Variants in ARHGAP26 observed in about 807,000 individuals in gnomAD.
ARHGAP26 encodes the protein rho GTPase-activating protein 26.
A neutral mutation model predicts 104.8 loss-of-function variants in ARHGAP26; 38 were observed. That is an observed-to-expected ratio of 0.36 (90% CI 0.28 to 0.48). The LOEUF is 0.48. Ranked by LOEUF, ARHGAP26 falls within the 20% of genes least tolerant of loss-of-function variation. The pLI is 0.99. For synonymous variants in ARHGAP26, 341 were observed against 340.0 expected (o/e 1.00, Z -0.03); for missense variants, 704 against 947.9 (o/e 0.74, Z 3.38).
chr5:142,785,870 T>G (rs966302186), intron 1 of ARHGAP26, among the ~76,000 whole-genome samples: 1 of 152,126 alleles, frequency 6.6e-6, no homozygotes, highest in Non-Finnish European at 1.5e-5. Context: ...TCTTTTTCTT[T>G]CCCTTCACCT....
At chr5:142,835,235 T>G (rs1348880412) in intron 1 of ARHGAP26, among the ~76,000 whole-genome samples, 1 of 152,232 alleles carries the variant, frequency 6.6e-6, no homozygotes, top group Non-Finnish European at 1.5e-5. Flanking sequence ...TTTAACAACA[T>G]GAAAACATTT....
intron 12 of ARHGAP26, among the ~76,000 whole-genome samples, chr5:143,022,077 G>A (rs145161350): frequency 2.3e-4 from 24 of 102,688 alleles, no homozygotes; most frequent in African/African-American, 8.7e-4. Flanking sequence ...ATTTTATTTT[G>A]TTTTATTTCA....
intron 20 of ARHGAP26, among the ~76,000 whole-genome samples, chr5:143,152,444 GT>G (rs1799958072): frequency 6.6e-6 from 1 of 152,224 alleles, no homozygotes; most frequent in Admixed American, 6.5e-5. Flanking sequence ...CTTTTGAAGT[GT>G]CAGAAGAGTT....
At chr5:143,144,820 C>G (rs1599219840) in intron 19 of ARHGAP26, among the ~76,000 whole-genome samples, 1 of 152,238 alleles carries the variant, frequency 6.6e-6, no homozygotes, top group South Asian at 2.1e-4. Context: ...TCTACTCTTT[C>G]CCTGGAATAA....
At chr5:142,786,120 G>A (rs1758564706) in intron 1 of ARHGAP26, among the ~76,000 whole-genome samples, 1 of 150,968 alleles carries the variant, frequency 6.6e-6, no homozygotes, top group Admixed American at 6.6e-5. Context: ...ACTGGCTTTT[G>A]CCACTATGCC....
chr5:142,955,343 G>T (rs943032540), intron 11 of ARHGAP26, among the ~76,000 whole-genome samples: 1 of 152,074 alleles, frequency 6.6e-6, no homozygotes, highest in Non-Finnish European at 1.5e-5. Context: ...ACAAAACAAA[G>T]AAGATGCATT....
Position 142,873,406 on chromosome 5 carries a change from C to G in ARHGAP26, c.161C>G (p.Ser54Cys). The G allele has an allele frequency of 6.3e-7, 1 of 1,591,484 alleles. No homozygotes were observed. Among genetic ancestry groups the G allele is most frequent in the South Asian group, 1.2e-5 (1 of 85,944 alleles). Reference sequence around the variant, plus strand: ...CCTGTCTTTTTCTTGCTAGATTTGTCTTCAGCGAAGCGGAAGTTTGCAGAT... The same window carrying G: ...CCTGTCTTTTTCTTGCTAGATTTGTGTTCAGCGAAGCGGAAGTTTGCAGAT... ...KSLISALKNL[S>C]SAKRKFADSL... The change falls in exon 2 of 23, where the codon TCT becomes TGT. Residue 54 changes from serine (S) to cysteine (C), a missense_variant. This residue lies in a region of ARHGAP26 where 77 missense variants were observed against 82.6 expected (regional missense o/e 0.93). Coordinates refer to ENST00000645722, the MANE Select transcript of ARHGAP26 (RefSeq NM_001135608.3).
At chr5:143,047,476 A>G (rs1784390129) in intron 14 of ARHGAP26, among the ~76,000 whole-genome samples, 1 of 152,132 alleles carries the variant, frequency 6.6e-6, no homozygotes, top group Non-Finnish European at 1.5e-5. Context: ...ATCTCTAATT[A>G]TTTCCTCAGG....
In ARHGAP26 at chr5:143,041,817, G is replaced by T. The variant is rs577183455; in HGVS notation, c.1212G>T (p.Gly404=). 1.2e-6 allele frequency: 2 copies of T among 1,607,296 alleles called. No individual in the cohort carries two copies. Among genetic ancestry groups the T allele is most frequent in the Non-Finnish European group, 1.7e-6 (2 of 1,176,508 alleles). The change falls in exon 14 of 23, where the codon GGG becomes GGT. Residue 404 remains glycine (G), a splice_region_variant and synonymous_variant. Coordinates refer to ENST00000645722, the MANE Select transcript of ARHGAP26 (RefSeq NM_001135608.3). ...AATCATCACTGTTTCTTTCCTCAGGGATCAACGAGCAAGGGCTGTATCGAA... is the reference window on the plus strand; with the variant it reads ...AATCATCACTGTTTCTTTCCTCAGGTATCAACGAGCAAGGGCTGTATCGAA... The part of the protein sequence containing the change: ...RKCIHAVETR[G]INEQGLYRIV...
intron 11 of ARHGAP26, among the ~76,000 whole-genome samples, chr5:142,977,116 A>G (rs1773212993): frequency 6.6e-6 from 1 of 152,252 alleles, no homozygotes; most frequent in African/African-American, 2.4e-5. Context: ...GAAGGAGTAC[A>G]CTAAAGGAAA....
chr5:143,200,532 C>G (rs928414942), intron 20 of ARHGAP26, among the ~76,000 whole-genome samples: 12 of 152,016 alleles, frequency 7.9e-5, no homozygotes, highest in African/African-American at 2.9e-4. Flanking sequence ...TATATAATTG[C>G]ATTGGAAAAT....
At chr5:142,996,887 G>C (rs1402519165) in intron 11 of ARHGAP26, among the ~76,000 whole-genome samples, 1 of 152,038 alleles carries the variant, frequency 6.6e-6, no homozygotes, top group Non-Finnish European at 1.5e-5. Flanking sequence ...TGAGTAAAGA[G>C]GTCCAAGGAG....
intron 15 of ARHGAP26, 85 bp downstream of exon 15, chr5:143,054,611 GA>G: frequency 2.1e-6 from 2 of 969,406 alleles, no homozygotes; most frequent in South Asian, 3.1e-5. Flanking sequence ...AGACTCCGGA[GA>G]GCTGTCGGGT....
At chr5:142,877,348 G>A (rs10515517) in intron 3 of ARHGAP26, among the ~76,000 whole-genome samples, 4,766 of 152,228 alleles carry the variant, frequency 0.031, 259 homozygotes, top group East Asian at 0.24. Context: ...TTAACATCCA[G>A]TTCGTGCTTC....
intron 2 of ARHGAP26, among the ~76,000 whole-genome samples, chr5:142,874,539 A>G (rs1445965369): frequency 6.6e-6 from 1 of 152,118 alleles, no homozygotes; most frequent in Non-Finnish European, 1.5e-5. Flanking sequence ...ATTGCACGTA[A>G]TGCTTATTGC....
intron 10 of ARHGAP26, among the ~76,000 whole-genome samples, chr5:142,914,374 C>G (rs1243609351): frequency 6.6e-6 from 1 of 152,240 alleles, no homozygotes. Context: ...AGCCAGACAA[C>G]CTGGGTTCAA....
intron 19 of ARHGAP26, 62 bp from the exon 20 acceptor site, chr5:143,147,169 G>A: frequency 1.3e-6 from 2 of 1,534,546 alleles, no homozygotes; most frequent in Non-Finnish European, 1.8e-6. Context: ...TTTTGTGCAT[G>A]TAGCAATAGA....
At chr5:142,785,290 C>T (rs1758348850) in intron 1 of ARHGAP26, among the ~76,000 whole-genome samples, 1 of 152,218 alleles carries the variant, frequency 6.6e-6, no homozygotes, top group Non-Finnish European at 1.5e-5. Context: ...TACCCTTTTC[C>T]TTCAGTGCAT....
intron 12 of ARHGAP26, among the ~76,000 whole-genome samples, chr5:143,032,204 C>T (rs1207438856): frequency 6.6e-6 from 1 of 152,174 alleles, no homozygotes; most frequent in Non-Finnish European, 1.5e-5. Flanking sequence ...ATATTTGGTG[C>T]AAGCTCTGCC....
Sources: allele counts gnomAD v4.1 joint callset (sites outside exome capture counted in the v4.1 genomes callset), GRCh38; gene constraint gnomAD v4.1.1; regional missense constraint gnomAD v4.1.1; transcripts MANE v1.5; gene names NCBI Gene and HGNC (gene_info 2026-07-23, HGNC 2026-07-21).